Variants in OLFM3 observed in about 807,000 individuals in gnomAD.
OLFM3 encodes the protein olfactomedin 3, also known as noelin-3.
OLFM3 carries 20 observed loss-of-function variants against 48.6 expected under a neutral mutation model. The observed-to-expected ratio is 0.41, with a 90% CI of 0.29 to 0.60. OLFM3 has a LOEUF of 0.60. Among genes scored for constraint, OLFM3 ranks in the 20% least tolerant of loss-of-function variants. The probability of loss-of-function intolerance (pLI) is 0.28; values close to 1 mark genes in which losing one functional copy is unlikely to be tolerated. For synonymous variants in OLFM3, 222 were observed against 198.1 expected (o/e 1.12, Z -1.01); for missense variants, 437 against 544.3 (o/e 0.80, Z 1.96).
At chr1:101,971,877 T>C (rs1387542235) in intron 1 of OLFM3, among the ~76,000 whole-genome samples, 1 of 151,892 alleles carries the variant, frequency 6.6e-6, no homozygotes, top group Non-Finnish European at 1.5e-5. Flanking sequence ...TACAATTTAG[T>C]TTTGCTTTAA....
intron 1 of OLFM3, among the ~76,000 whole-genome samples, chr1:101,838,262 T>C (rs1483727935): frequency 1.3e-5 from 2 of 152,214 alleles, no homozygotes; most frequent in Admixed American, 6.5e-5. Context: ...TTTCACTATG[T>C]TGGCCAGCCT....
chr1:101,876,984 G>A (rs1467286152), intron 1 of OLFM3, among the ~76,000 whole-genome samples: 1 of 151,928 alleles, frequency 6.6e-6, no homozygotes, highest in Non-Finnish European at 1.5e-5. Context: ...TAGAAGAAGA[G>A]AGTCCAACCT....
chr1:101,957,045 C>T (rs1391396972), intron 1 of OLFM3, among the ~76,000 whole-genome samples: 1 of 151,784 alleles, frequency 6.6e-6, no homozygotes, highest in African/African-American at 2.4e-5. Flanking sequence ...TTGATAATAT[C>T]AAAGGAGAAT....
intron 1 of OLFM3, among the ~76,000 whole-genome samples, chr1:101,886,565 C>A (rs775746155): frequency 3.9e-5 from 6 of 152,082 alleles, no homozygotes; most frequent in Non-Finnish European, 5.9e-5. Flanking sequence ...CTTGGGGGAA[C>A]CAGCCCCTGG....
At chr1:101,978,328 C>T (rs36046523) in intron 1 of OLFM3, among the ~76,000 whole-genome samples, 3,288 of 151,850 alleles carry the variant, frequency 0.022, 41 homozygotes, top group Middle Eastern at 0.055. Context: ...AGATAAGATA[C>T]GGAAAAGAAA....
intron 1 of OLFM3, among the ~76,000 whole-genome samples, chr1:101,923,585 A>G (rs941823625): frequency 3.3e-5 from 5 of 152,164 alleles, no homozygotes; most frequent in Non-Finnish European, 7.4e-5. Context: ...AAGTCTTACT[A>G]AATTCTAACA....
At chr1:101,961,733 T>C (rs1030229759) in intron 1 of OLFM3, among the ~76,000 whole-genome samples, 1 of 152,134 alleles carries the variant, frequency 6.6e-6, no homozygotes, top group Non-Finnish European at 1.5e-5. Context: ...ATAACCAATA[T>C]GTTTTCATGA....
At chr1:101,910,365 C>G (rs547589693) in intron 1 of OLFM3, among the ~76,000 whole-genome samples, 1 of 151,746 alleles carries the variant, frequency 6.6e-6, no homozygotes, top group Middle Eastern at 3.2e-3. Context: ...GCTCAGGAGG[C>G]TGAGGCCAGA....
intron 1 of OLFM3, among the ~76,000 whole-genome samples, chr1:101,875,781 C>T (rs1378705789): frequency 6.7e-6 from 1 of 150,256 alleles, no homozygotes; most frequent in African/African-American, 2.4e-5. Context: ...TGTCAATTCT[C>T]ATACCTAACT....
At chr1:101,825,648 T>A (rs1423283739) in intron 3 of OLFM3, among the ~76,000 whole-genome samples, 1 of 152,182 alleles carries the variant, frequency 6.6e-6, no homozygotes, top group Non-Finnish European at 1.5e-5. Flanking sequence ...ATAAAGTGAT[T>A]GAAAATAGGT....
At chr1:101,863,475 C>G (rs1213324366) in intron 1 of OLFM3, among the ~76,000 whole-genome samples, 2 of 152,168 alleles carry the variant, frequency 1.3e-5, no homozygotes, top group African/African-American at 4.8e-5. Flanking sequence ...GACCATTTCT[C>G]TTATGATATG....
chr1:101,912,369 A>G (rs1311602561), intron 1 of OLFM3, among the ~76,000 whole-genome samples: 2 of 152,218 alleles, frequency 1.3e-5, no homozygotes. Flanking sequence ...AAGCAGTCTG[A>G]GGTGCATTCA....
At chr1:101,816,106 G>A (rs1166411551) in intron 4 of OLFM3, among the ~76,000 whole-genome samples, 1 of 152,160 alleles carries the variant, frequency 6.6e-6, no homozygotes, top group East Asian at 1.9e-4. Context: ...AGCAGCATAA[G>A]ATCAAAGAAA....
At chr1:101,829,517 C>A (rs1029729038) in intron 3 of OLFM3, among the ~76,000 whole-genome samples, 1 of 152,166 alleles carries the variant, frequency 6.6e-6, no homozygotes, top group Non-Finnish European at 1.5e-5. Flanking sequence ...CTCTGGAGTA[C>A]CACTGAAGAA....
intron 1 of OLFM3, chr1:101,893,164 C>A: frequency 7.4e-6 from 2 of 268,810 alleles, no homozygotes; most frequent in Non-Finnish European, 1.5e-5. Context: ...CTCTCAGTAA[C>A]CTTAGAAGAT....
intron 3 of OLFM3, among the ~76,000 whole-genome samples, chr1:101,828,878 C>A (rs1655010317): frequency 6.6e-6 from 1 of 152,204 alleles, no homozygotes; most frequent in African/African-American, 2.4e-5. Context: ...TTACCATCTA[C>A]ACTCTAACCC....
In OLFM3 at chr1:101,872,938, A is replaced by T. The variant is rs577857388; in HGVS notation, c.70-35913T>A. The stretch of plus-strand genomic sequence containing the variant: ...TTAAATTTTAAAATCTTTAAAAACA[A>T]ATCAACCTAATTTTAATTACATGAT... On this transcript the variant is annotated intron_variant, in intron 1 of 5. Coordinates refer to ENST00000370103, the MANE Select transcript of OLFM3 (RefSeq NM_058170.4). 7.9e-5 allele frequency among the ~76,000 whole-genome samples: 12 copies of T among 152,144 alleles called. No homozygotes were observed. The East Asian group carries it at 2.3e-3, about 29-fold the overall frequency.
At chr1:101,893,261 G>A in intron 1 of OLFM3, 4 of 303,588 alleles carry the variant, frequency 1.3e-5, no homozygotes, top group South Asian at 1.0e-4. Flanking sequence ...AAAAAAAAAA[G>A]GAACAGTACA....
intron 1 of OLFM3, among the ~76,000 whole-genome samples, chr1:101,872,675 T>C (rs1460516783): frequency 6.6e-6 from 1 of 152,006 alleles, no homozygotes; most frequent in Non-Finnish European, 1.5e-5. Flanking sequence ...ATGATAATTA[T>C]TCTGTAATGA....
Sources: allele counts gnomAD v4.1 joint callset (sites outside exome capture counted in the v4.1 genomes callset), GRCh38; gene constraint gnomAD v4.1.1; transcripts MANE v1.5; gene names NCBI Gene and HGNC (gene_info 2026-07-23, HGNC 2026-07-21).